CGGBP1: variants seen among roughly 807,000 people sequenced by gnomAD.
CGGBP1 encodes the protein CGG triplet repeat-binding protein 1.
A neutral mutation model predicts 11.4 loss-of-function variants in CGGBP1; 4 were observed. The observed-to-expected ratio is 0.35, with a 90% CI of 0.17 to 0.80. The LOEUF (loss-of-function observed/expected upper bound fraction) is 0.80. CGGBP1 is among the 30% of genes least tolerant of loss of function. The pLI is 0.52. For synonymous variants in CGGBP1, 76 were observed against 74.1 expected (o/e 1.03, Z -0.13); for missense variants, 135 against 202.1 (o/e 0.67, Z 2.01).
intron 2 of CGGBP1, among the ~76,000 whole-genome samples, chr3:88,091,527 A>T (rs992269439): frequency 3.9e-5 from 6 of 152,144 alleles, no homozygotes; most frequent in Non-Finnish European, 8.8e-5. Context: ...TACAACTTTC[A>T]AAAGTTCTTT....
At chr3:88,061,239 T>C (rs570929060), upstream of CGGBP1, among the ~76,000 whole-genome samples, 10 of 152,134 alleles carry the variant, frequency 6.6e-5, no homozygotes, top group Non-Finnish European at 1.3e-4. Flanking sequence ...AATTTGTTTG[T>C]TTTGCTTTTT....
chr3:88,097,166 A>G (rs922263293), intron 2 of CGGBP1, among the ~76,000 whole-genome samples: 1 of 152,152 alleles, frequency 6.6e-6, no homozygotes, highest in African/African-American at 2.4e-5. Context: ...GGGTATTTGT[A>G]TATCTTAGAT....
At chr3:88,141,739 T>C (rs1320285753) in intron 1 of CGGBP1, 13 of 1,067,448 alleles carry the variant, frequency 1.2e-5, no homozygotes, top group Non-Finnish European at 1.3e-6. Flanking sequence ...GCTATTTCCC[T>C]GATGGCCTTA....
In CGGBP1 at chr3:88,148,271, G is replaced by A. The variant is rs139174006; in HGVS notation, c.-338+1440C>T. 4.3e-3 allele frequency among the ~76,000 whole-genome samples: 649 copies of A among 152,274 alleles called. 5 individuals carry two copies. Among genetic ancestry groups the A allele is most frequent in the Non-Finnish European group, 5.2e-3 (354 of 68,018 alleles). On this transcript the variant is annotated intron_variant, in intron 1 of 3. Transcript: ENST00000462901. ...ACTGTCTATTTCCTCCCAACAAAAT[G>A]CAAGCATTGTTTTTTGTCCCCAGTA...
intron 2 of CGGBP1, among the ~76,000 whole-genome samples, chr3:88,099,754 G>A (rs1404092436): frequency 2.0e-5 from 3 of 152,150 alleles, no homozygotes; most frequent in African/African-American, 4.8e-5. Context: ...ATGGTGCCAG[G>A]AAAACTGGCT....
intron 2 of CGGBP1, chr3:88,138,694 T>C: frequency 8.1e-7 from 1 of 1,230,380 alleles, no homozygotes. Flanking sequence ...CTAATATTTT[T>C]CTTTTTACAG....
At chr3:88,132,658 A>G (rs1706534342) in intron 2 of CGGBP1, among the ~76,000 whole-genome samples, 1 of 152,204 alleles carries the variant, frequency 6.6e-6, no homozygotes, top group Non-Finnish European at 1.5e-5. Flanking sequence ...TGGCAAACTT[A>G]TTAGGATATT....
At chr3:88,058,563 G>A (rs1256610730) in intron 1 of CGGBP1, among the ~76,000 whole-genome samples, 1 of 152,198 alleles carries the variant, frequency 6.6e-6, no homozygotes, top group Non-Finnish European at 1.5e-5. Flanking sequence ...CGCTAGCTGG[G>A]CAAGGCCGAG....
chr3:88,140,114 T>C, intron 2 of CGGBP1: 2 of 1,613,876 alleles, frequency 1.2e-6, no homozygotes, highest in Non-Finnish European at 1.7e-6. Context: ...CAAATGTGTA[T>C]TTTTGTTTGC....
intron 2 of CGGBP1, among the ~76,000 whole-genome samples, chr3:88,114,086 G>C (rs1705250902): frequency 6.6e-6 from 1 of 152,104 alleles, no homozygotes; most frequent in Admixed American, 6.6e-5. Context: ...ATGCACTAAG[G>C]TCTAAGAAAA....
intron 2 of CGGBP1, chr3:88,113,023 T>C: frequency 1.3e-6 from 1 of 776,102 alleles, no homozygotes; most frequent in South Asian, 2.1e-5. Flanking sequence ...TTAAGTCAAA[T>C]ATTGATATTA....
Position 88,140,392 on chromosome 3 carries a change from T to C in CGGBP1, c.-229+578A>G, listed in dbSNP as rs369986733. 5.5e-5 allele frequency: 88 copies of C among 1,613,044 alleles called. No homozygotes were observed. Among genetic ancestry groups the C allele is most frequent in the Non-Finnish European group, 6.9e-5 (81 of 1,179,508 alleles). Reference sequence around the variant, plus strand: ...TCATCTAGTAATGAGAAACAAACTATTAGTCTGCCAGTTTCTACTAGCAAA... The same window carrying C: ...TCATCTAGTAATGAGAAACAAACTACTAGTCTGCCAGTTTCTACTAGCAAA... On this transcript the variant is annotated intron_variant, in intron 2 of 3. Transcript: ENST00000462901.
At chr3:88,140,534 G>A in intron 2 of CGGBP1, 2 of 1,613,708 alleles carry the variant, frequency 1.2e-6, no homozygotes, top group Non-Finnish European at 1.7e-6. Flanking sequence ...ATATAAGCTT[G>A]ATAGACCAAA....
At chr3:88,125,455 T>C (rs532873358) in intron 2 of CGGBP1, among the ~76,000 whole-genome samples, 2 of 152,314 alleles carry the variant, frequency 1.3e-5, no homozygotes, top group South Asian at 4.1e-4. Context: ...CTAGAAAATG[T>C]ATGGACAAAT....
chr3:88,149,696 C>T (rs1707374631), intron 1 of CGGBP1: 2 of 157,608 alleles, frequency 1.3e-5, no homozygotes, highest in South Asian at 3.6e-4. Flanking sequence ...GGGTGGCGGG[C>T]TGCTTTCCAC....
intron 2 of CGGBP1, among the ~76,000 whole-genome samples, chr3:88,107,160 TCTTAA>T (rs1247675150): frequency 2.6e-5 from 4 of 152,178 alleles, no homozygotes; most frequent in African/African-American, 9.6e-5. Flanking sequence ...GGAATTTAGC[TCTTAA>T]CTTATTGAGG....
chr3:88,138,014 A>AT (rs1456008669), intron 2 of CGGBP1, among the ~76,000 whole-genome samples: 1 of 152,270 alleles, frequency 6.6e-6, no homozygotes, highest in African/African-American at 2.4e-5. Context: ...TCGACAATAG[A>AT]TTCCCAAGTA....
Position 88,082,020 on chromosome 3 carries a change from G to T in CGGBP1, c.-228-23797C>A, listed in dbSNP as rs139560343. Among the ~76,000 whole-genome samples the T allele has an allele frequency of 4.6e-4, 70 of 152,278 alleles. No individual in the cohort carries two copies. In the East Asian group the frequency reaches 0.013, roughly 28 times the overall value. On this transcript the variant is annotated intron_variant, in intron 2 of 3. Transcript: ENST00000462901. ...AAATTAGCAAACTTATCAATGCACA[G>T]ATTGTATTAGTCTGCGTTCAACAAA...
intron 3 of CGGBP1, chr3:88,056,394 C>T (rs2107559692): frequency 6.5e-6 from 1 of 153,652 alleles, no homozygotes; most frequent in Admixed American, 6.5e-5. Context: ...AAAAGAGCTT[C>T]TTTCCTGTCA....
Sources: gnomAD v4.1 joint callset for allele counts (sites outside exome capture counted in the v4.1 genomes callset) on GRCh38, gnomAD v4.1.1 for gene constraint, MANE v1.5 for transcripts, NCBI Gene and HGNC (gene_info 2026-07-23, HGNC 2026-07-21) for gene names.